The following LAMC2 variants were observed in gnomAD, a reference collection of about 807,000 sequenced individuals.
LAMC2 encodes the protein laminin subunit gamma 2, also known as laminin subunit gamma-2.
In LAMC2, 97 loss-of-function variants were observed where a neutral mutation model predicts 140.2. The ratio of observed to expected loss-of-function variants is 0.69; its 90% CI spans 0.59 to 0.82. The LOEUF (loss-of-function observed/expected upper bound fraction) is 0.82, where lower values mean the gene tolerates loss of function less well. Among genes scored for constraint, LAMC2 ranks in the 40% least tolerant of loss-of-function variants. The pLI, the probability that LAMC2 is intolerant of heterozygous loss-of-function variation, is 0.00. For missense variants in LAMC2, 1,402 were observed against 1,476.1 expected (o/e 0.95, Z 0.82); for synonymous variants, 513 against 540.2 (o/e 0.95, Z 0.70).
chr1:183,215,355 G>A (rs968104065), intron 2 of LAMC2, 98 bp from the exon 3 acceptor site: 1 of 1,377,504 alleles, frequency 7.3e-7, no homozygotes. Context: ...CTTACTTCGT[G>A]TTTACGGAGC....
At position 183,228,112 on chromosome 1, in the gene LAMC2, A is replaced by G. The variant is rs1347416246; in HGVS notation, c.1469-262A>G. ...TGGGGGTATTGCTCAAAACCTTACTACTTCTGTGGAGCTGCCTGCTTTTTC... is the reference window on the plus strand; with the variant it reads ...TGGGGGTATTGCTCAAAACCTTACTGCTTCTGTGGAGCTGCCTGCTTTTTC... On this transcript the variant is annotated intron_variant, in intron 10 of 22. Coordinates refer to ENST00000264144, the MANE Select transcript of LAMC2 (RefSeq NM_005562.3). The surrounding 1 kb of genome is among the most constrained non-coding windows in gnomAD (Gnocchi z 4.3). Among the ~76,000 whole-genome samples, 3 of 152,084 alleles carry G rather than the reference A, an allele frequency of 2.0e-5. No homozygotes were observed. The highest frequency in any genetic ancestry group is 7.2e-5 in the African/African-American group (3 of 41,418).
intron 15 of LAMC2, among the ~76,000 whole-genome samples, chr1:183,234,998 A>G (rs1056377954): frequency 2.6e-5 from 4 of 152,198 alleles, no homozygotes; most frequent in African/African-American, 9.6e-5. Context: ...GGCTCTGTTA[A>G]TCCCAAGTGG....
intron 2 of LAMC2, among the ~76,000 whole-genome samples, chr1:183,211,298 G>T (rs1659061866): frequency 1.4e-5 from 2 of 146,788 alleles, no homozygotes; most frequent in African/African-American, 5.0e-5. Context: ...TCCCATGACA[G>T]CTAAGTTTTT....
chr1:183,215,263 G>A (rs1008576645), intron 2 of LAMC2, among the ~76,000 whole-genome samples, 190 bp from the exon 3 acceptor site: 1 of 152,184 alleles, frequency 6.6e-6, no homozygotes, highest in Non-Finnish European at 1.5e-5. Flanking sequence ...TCTCCCTGAG[G>A]AAGACATCCT....
intron 22 of LAMC2, among the ~76,000 whole-genome samples, chr1:183,242,656 C>T (rs897832634): frequency 2.0e-5 from 3 of 152,182 alleles, no homozygotes; most frequent in South Asian, 2.1e-4. Context: ...AGTGGCAAAG[C>T]GTACCTTGGC....
At chr1:183,205,466 G>C (rs1438241923) in intron 1 of LAMC2, among the ~76,000 whole-genome samples, 1 of 152,220 alleles carries the variant, frequency 6.6e-6, no homozygotes, top group Admixed American at 6.5e-5. Context: ...TGAAATGTTA[G>C]TCTTTGCCCA....
In LAMC2 at chr1:183,215,519, G is replaced by T; in HGVS notation, c.335G>T (p.Arg112Ile). ...CSCKPGVTGARCDRCLPGFHM... is the reference protein window; with the variant it reads ...CSCKPGVTGAICDRCLPGFHM... ...TGTAAACCAGGTGTGACAGGAGCCAGATGCGACCGATGTCTGCCAGGCTTC... is the reference window on the plus strand; with the variant it reads ...TGTAAACCAGGTGTGACAGGAGCCATATGCGACCGATGTCTGCCAGGCTTC... The change falls in exon 3 of 23, where the codon AGA becomes ATA. Residue 112 changes from arginine to isoleucine, a missense_variant. Physicochemically the swap from Arg to Ile is moderately conservative, Grantham distance 97 (BLOSUM62 -3). Around this residue, in one of 3 missense-constraint regions of LAMC2, gnomAD observed 723 missense variants for 783.3 expected, o/e 0.92. Transcript: ENST00000264144. The T allele has an allele frequency of 1.2e-6, 2 of 1,614,190 alleles. No individual in the cohort carries two copies. The highest frequency in any genetic ancestry group is 2.2e-5 in the East Asian group (1 of 44,878).
chr1:183,210,856 T>C (rs1300456744), intron 2 of LAMC2, among the ~76,000 whole-genome samples: 1 of 152,218 alleles, frequency 6.6e-6, no homozygotes, highest in Non-Finnish European at 1.5e-5. Context: ...CAGAGACTGT[T>C]CCCACCATGT....
intron 7 of LAMC2, 41 bp downstream of exon 7, chr1:183,223,365 A>G (rs763824739): frequency 3.3e-5 from 51 of 1,547,048 alleles, no homozygotes; most frequent in Non-Finnish European, 8.9e-7. Context: ...AGAGCAAACT[A>G]TGATTGAAGT....
rs1357877982 is a variant in LAMC2 at position 183,223,208 on chromosome 1, C to T, written c.837C>T (p.Gly279=). 3.1e-6 allele frequency: 5 copies of T among 1,614,000 alleles called. No homozygotes were observed. The African/African-American group carries it at 6.7e-5, about 22-fold the overall frequency. Reference sequence around the variant, plus strand: ...TTGACTACCGTGTGGACAGAGGAGGCAGACACCCATCTGCCCATGATGTGA... The same window carrying T: ...TTGACTACCGTGTGGACAGAGGAGGTAGACACCCATCTGCCCATGATGTGA... ...LSFDYRVDRG[G]RHPSAHDVIL... is the part of the protein sequence containing the mutation. Residue 279 remains glycine (G), a synonymous_variant, in exon 7 of 23, where the codon GGC becomes GGT. Transcript: ENST00000264144.
chr1:183,231,235 T>C, intron 12 of LAMC2, 132 bp downstream of exon 12: 1 of 1,083,158 alleles, frequency 9.2e-7, no homozygotes, highest in East Asian at 2.4e-5. Flanking sequence ...TATTTCTGTC[T>C]TTAAAAATTG....
At chr1:183,199,097 CTTTTTTTTTTTTTT>C (rs906113983) in intron 1 of LAMC2, among the ~76,000 whole-genome samples, 2 of 67,626 alleles carry the variant, frequency 3.0e-5, no homozygotes, top group Admixed American at 2.1e-4. Context: ...GTTGGCTTTT[CTTTTTTTTTTTTTT>C]TTTTTTTTTT....
chr1:183,224,673 TACACAC>T (rs3064952), intron 7 of LAMC2, among the ~76,000 whole-genome samples: 25,156 of 147,902 alleles, frequency 0.17, 2,081 homozygotes, highest in East Asian at 0.22. Context: ...GTTCTAATGA[TACACAC>T]ACACACACAC....
intron 1 of LAMC2, among the ~76,000 whole-genome samples, chr1:183,195,911 A>G (rs1658498438): frequency 6.6e-6 from 1 of 152,178 alleles, no homozygotes; most frequent in Non-Finnish European, 1.5e-5. Context: ...TAAAACTAGA[A>G]AAGTCCTTAT....
At chr1:183,230,097 G>T (rs1445815365) in intron 11 of LAMC2, among the ~76,000 whole-genome samples, 1 of 152,148 alleles carries the variant, frequency 6.6e-6, no homozygotes, top group African/African-American at 2.4e-5. Flanking sequence ...ACTATATTCT[G>T]TCTTTAGTTT....
At chr1:183,186,849 ATCC>A (rs1658170210) in intron 1 of LAMC2, among the ~76,000 whole-genome samples, 3 of 152,220 alleles carry the variant, frequency 2.0e-5, no homozygotes, top group Admixed American at 2.0e-4. Flanking sequence ...CTCTTCAATA[ATCC>A]TGTAATTGAT....
At chr1:183,246,462 TCTC>T (rs1421260784), downstream of LAMC2, among the ~76,000 whole-genome samples, 1 of 152,310 alleles carries the variant, frequency 6.6e-6, no homozygotes, top group East Asian at 1.9e-4. Flanking sequence ...TTCTTGCACT[TCTC>T]CTCTGAGAGT....
chr1:183,215,598 T>C lies in LAMC2; in HGVS notation c.404+10T>C, dbSNP rs1659229844. ...AAGACCAGAGACTGCTGTGAGTATT[T>C]GCATCCCACCATGGCTGTCACTAAC... On this transcript the variant is annotated intron_variant, in intron 3 of 22. Coordinates refer to ENST00000264144, the MANE Select transcript of LAMC2 (RefSeq NM_005562.3). The C allele has an allele frequency of 6.2e-7, 1 of 1,614,016 alleles. No individual in the cohort carries two copies. Among genetic ancestry groups the C allele is most frequent in the African/African-American group, 1.3e-5 (1 of 74,896 alleles).
At chr1:183,243,031 A>C (rs1198490040) in intron 22 of LAMC2, 116 bp from the exon 23 acceptor site, 25 of 1,114,346 alleles carry the variant, frequency 2.2e-5, no homozygotes, top group African/African-American at 3.1e-5. Context: ...ATGGTATACT[A>C]TTTGCTCTAG....
Sources: gnomAD v4.1 joint callset for allele counts (sites outside exome capture counted in the v4.1 genomes callset) on GRCh38, gnomAD v4.1.1 for gene constraint, gnomAD v4.1.1 regional missense constraint, Gnocchi (gnomAD v3.1) non-coding constraint, MANE v1.5 for transcripts, NCBI Gene and HGNC (gene_info 2026-07-23, HGNC 2026-07-21) for gene names.